Variants in CMIP observed in about 807,000 individuals in gnomAD.
CMIP encodes the protein c-Maf inducing protein.
A neutral mutation model predicts 97.3 loss-of-function variants in CMIP; 13 were observed. The observed-to-expected ratio is 0.13, with a 90% CI of 0.09 to 0.21. The LOEUF (loss-of-function observed/expected upper bound fraction) is 0.21. CMIP is among the 10% of genes least tolerant of loss of function. The pLI, the probability that CMIP is intolerant of heterozygous loss-of-function variation, is 1.00. For synonymous variants in CMIP, 538 were observed against 436.3 expected (o/e 1.23, Z -2.91); for missense variants, 847 against 1,024.9 (o/e 0.83, Z 2.37).
chr16:81,538,789 T>G (rs921325843), intron 1 of CMIP, among the ~76,000 whole-genome samples: 1 of 152,186 alleles, frequency 6.6e-6, no homozygotes, highest in Non-Finnish European at 1.5e-5. Flanking sequence ...AAGACTTTGT[T>G]ATGATCTTCT....
chr16:81,529,170 G>C (rs1425067263), intron 1 of CMIP, among the ~76,000 whole-genome samples: 1 of 152,232 alleles, frequency 6.6e-6, no homozygotes, highest in East Asian at 1.9e-4. Flanking sequence ...GAAGAAGAGA[G>C]AGGTCTCTAG....
intron 6 of CMIP, among the ~76,000 whole-genome samples, chr16:81,663,968 C>T (rs1451032760): frequency 6.6e-6 from 1 of 152,116 alleles, no homozygotes; most frequent in Non-Finnish European, 1.5e-5. Context: ...ATTTCAGGGC[C>T]GCCTGGAACG....
intron 1 of CMIP, among the ~76,000 whole-genome samples, chr16:81,482,124 C>A (rs897105119): frequency 1.2e-4 from 19 of 152,094 alleles, no homozygotes; most frequent in Non-Finnish European, 2.8e-4. Context: ...AGTGATCCAC[C>A]CTCCTTGGCC....
intron 1 of CMIP, chr16:81,519,817 C>A (rs1013029273): frequency 6.6e-6 from 1 of 152,208 alleles, no homozygotes; most frequent in Non-Finnish European, 1.5e-5. Context: ...ATGGTAGACT[C>A]AGTAATGTTC....
chr16:81,475,815 C>T (rs1391828204), intron 1 of CMIP, among the ~76,000 whole-genome samples: 1 of 152,044 alleles, frequency 6.6e-6, no homozygotes, highest in African/African-American at 2.4e-5. Context: ...GAAATCCTGT[C>T]TCTACTAAAA....
At chr16:81,537,363 T>C (rs937075085) in intron 1 of CMIP, among the ~76,000 whole-genome samples, 6 of 150,798 alleles carry the variant, frequency 4.0e-5, no homozygotes, top group Non-Finnish European at 8.9e-5. Context: ...GGTAAAACCC[T>C]GTCTCTACTA....
intron 1 of CMIP, among the ~76,000 whole-genome samples, chr16:81,491,630 T>A (rs2089407399): frequency 6.6e-6 from 1 of 152,100 alleles, no homozygotes; most frequent in Non-Finnish European, 1.5e-5. Flanking sequence ...GCTGAATGGG[T>A]TTGGATGTAT....
intron 3 of CMIP, among the ~76,000 whole-genome samples, chr16:81,626,814 T>TGG (rs1330110229): frequency 3.3e-5 from 4 of 120,666 alleles, no homozygotes; most frequent in South Asian, 6.0e-4. Flanking sequence ...TGTGTGTGTG[T>TGG]GTGGGGTGCA....
At chr16:81,667,799 A>AGAGAGAGAGAGAGAGAGAGTGTGTGT in intron 7 of CMIP, among the ~76,000 whole-genome samples, 46 of 58,128 alleles carry the variant, frequency 7.9e-4, no homozygotes, top group East Asian at 1.3e-3. Context: ...AGAGAGAGAG[A>AGAGAGAGAGAGAGAGAGAGTGTGTGT]GTGTGTGTGT....
chr16:81,682,101 G>C (rs1419445899), intron 10 of CMIP, among the ~76,000 whole-genome samples: 3 of 152,182 alleles, frequency 2.0e-5, no homozygotes, highest in Non-Finnish European at 4.4e-5. Context: ...TACTCGGGAG[G>C]CTGAAGCACG....
chr16:81,582,605 C>T lies in CMIP; in HGVS notation c.301-24962C>T, dbSNP rs141127962. On this transcript the variant is annotated intron_variant, in intron 1 of 20. Coordinates refer to ENST00000537098, the MANE Select transcript of CMIP (RefSeq NM_198390.3). ...AGAGACCACTTTCCAGCAAACACTC[C>T]GAACCCAGCCCAGAATCCAGGTAGA... is the stretch of plus-strand genomic sequence containing the variant. Among the ~76,000 whole-genome samples, 464 of 152,156 alleles carry T rather than the reference C, an allele frequency of 3.0e-3. 1 individual carries two copies. The highest frequency in any genetic ancestry group is 0.011 in the African/African-American group (449 of 41,494).
At position 81,651,262 on chromosome 16, in the gene CMIP, G is replaced by A. The variant is rs191762036; in HGVS notation, c.478-941G>A. On this transcript the variant is annotated intron_variant, in intron 3 of 20. Coordinates refer to ENST00000537098, the MANE Select transcript of CMIP (RefSeq NM_198390.3). The stretch of plus-strand genomic sequence containing the variant: ...GCATGGGGCAGGCAGCTGCAAAGGC[G>A]GGAGCCCGGGCGGGGGTGGAGGGAG... 1.8e-3 allele frequency: 309 copies of A among 171,508 alleles called. 1 individual carries two copies. The highest frequency in any genetic ancestry group is 8.0e-3 in the South Asian group (42 of 5,236). The allele number at this position is 171,508 out of a possible 1,614,324, so 10.6% of individuals were successfully genotyped here. A position where few individuals can be genotyped will look rare whatever the true frequency, so the allele number is the denominator to read the frequency against.
chr16:81,650,173 TGTC>T (rs1236102902), intron 3 of CMIP, among the ~76,000 whole-genome samples: 1 of 152,156 alleles, frequency 6.6e-6, no homozygotes, highest in East Asian at 1.9e-4. Flanking sequence ...CCCGACAACT[TGTC>T]ACGCGTTTCT....
At chr16:81,662,463 C>T (rs771214946) in intron 6 of CMIP, among the ~76,000 whole-genome samples, 5 of 152,134 alleles carry the variant, frequency 3.3e-5, no homozygotes, top group African/African-American at 1.2e-4. Context: ...CAAAGAGGGC[C>T]GTCTGCCTTT....
chr16:81,616,917 C>T lies in CMIP; in HGVS notation c.427-3959C>T, dbSNP rs1232334057. ...AGGCTCCTGCAGCTCAGCAGGAAGT[C>T]ACAGGGGGCGTGGCCAGGCCAGGCA... On this transcript the variant is annotated intron_variant, in intron 2 of 20. Transcript: ENST00000537098. This position sits in a 1 kb window ranked among gnomAD's most constrained non-coding sequence, Gnocchi z 4.7. The T allele has an allele frequency of 6.6e-6, 1 of 152,570 alleles. No individual in the cohort carries two copies. Among genetic ancestry groups the T allele is most frequent in the Non-Finnish European group, 1.5e-5 (1 of 68,332 alleles). The allele number at this position is 152,570 out of a possible 1,614,324, so 9.5% of individuals were successfully genotyped here.
intron 1 of CMIP, among the ~76,000 whole-genome samples, chr16:81,531,830 C>A (rs1325876294): frequency 6.6e-6 from 1 of 152,212 alleles, no homozygotes; most frequent in African/African-American, 2.4e-5. Context: ...AAGAAACATT[C>A]ATTTCTGTTG....
intron 1 of CMIP, among the ~76,000 whole-genome samples, chr16:81,534,908 C>G (rs928037184): frequency 6.6e-6 from 1 of 152,170 alleles, no homozygotes; most frequent in African/African-American, 2.4e-5. Flanking sequence ...GATATACTGT[C>G]CTTGCTCTGC....
At chr16:81,481,855 C>T (rs934289962) in intron 1 of CMIP, among the ~76,000 whole-genome samples, 1 of 150,966 alleles carries the variant, frequency 6.6e-6, no homozygotes, top group African/African-American at 2.4e-5. Flanking sequence ...CACATCTCCT[C>T]TGGCTCTGGC....
In CMIP at chr16:81,588,385, C is replaced by A. The variant is rs74031209; in HGVS notation, c.301-19182C>A. On this transcript the variant is annotated intron_variant, in intron 1 of 20. Transcript: ENST00000537098. ...GGAGACTTGTCCCTTCCAGTTGATT[C>A]TCTGAAGGCAGAAGTTTTCTCTTTA... is the stretch of plus-strand genomic sequence containing the variant. 9.7e-3 allele frequency among the ~76,000 whole-genome samples: 1,471 copies of A among 152,286 alleles called. 20 individuals carry two copies. The highest frequency in any genetic ancestry group is 0.034 in the African/African-American group (1,397 of 41,554).
Sources: allele counts gnomAD v4.1 joint callset (sites outside exome capture counted in the v4.1 genomes callset), GRCh38; gene constraint gnomAD v4.1.1; non-coding constraint Gnocchi (gnomAD v3.1); transcripts MANE v1.5; gene names NCBI Gene and HGNC (gene_info 2026-07-23, HGNC 2026-07-21).